The following CCDC148 variants were observed in gnomAD, a reference collection of about 807,000 sequenced individuals.
CCDC148 encodes the protein coiled-coil domain containing 148, also known as coiled-coil domain-containing protein 148.
CCDC148 carries 89 observed loss-of-function variants against 85.7 expected under a neutral mutation model. The observed-to-expected ratio is 1.04, with a 90% confidence interval of 0.87 to 1.24. The LOEUF is 1.24. Among genes scored for constraint, CCDC148 ranks in the 50% most tolerant of loss-of-function variants. The probability of loss-of-function intolerance (pLI) is 0.00; values close to 1 mark genes in which losing one functional copy is unlikely to be tolerated. For missense variants in CCDC148, 692 were observed against 671.7 expected (o/e 1.03, Z -0.33); for synonymous variants, 230 against 213.9 (o/e 1.08, Z -0.66).
intron 1 of CCDC148, among the ~76,000 whole-genome samples, chr2:158,424,147 A>C (rs968763089): frequency 2.6e-5 from 4 of 152,228 alleles, no homozygotes; most frequent in African/African-American, 9.6e-5. Flanking sequence ...ACCATTGTGG[A>C]AGTCAGTGTG....
chr2:158,383,914 C>T (rs924762827), intron 1 of CCDC148, among the ~76,000 whole-genome samples: 7 of 152,172 alleles, frequency 4.6e-5, no homozygotes, highest in Admixed American at 2.0e-4. Context: ...CACTGCATAT[C>T]GCTGTCACGT....
chr2:158,336,344 C>A (rs1362758627), intron 7 of CCDC148, among the ~76,000 whole-genome samples: 5 of 152,080 alleles, frequency 3.3e-5, no homozygotes, highest in Admixed American at 6.6e-5. Context: ...ACTCCTGAAA[C>A]CTCATTCAGT....
chr2:158,298,441 C>G (rs996066607), intron 9 of CCDC148, among the ~76,000 whole-genome samples: 1 of 152,086 alleles, frequency 6.6e-6, no homozygotes, highest in South Asian at 2.1e-4. Context: ...AATACTGCCT[C>G]TATTTTATTC....
rs184525288 is a variant in CCDC148, at chr2:158,390,244, G to A, written c.26-31674C>T. On this transcript the variant is annotated intron_variant, in intron 1 of 13. Transcript: ENST00000283233. Reference sequence around the variant, plus strand: ...ATTCCTCCCAGGCAAAAAGCTGGAAGGGGATTCTCTGAGAAACCAGTCTTC... The same window carrying A: ...ATTCCTCCCAGGCAAAAAGCTGGAAAGGGATTCTCTGAGAAACCAGTCTTC... 7.3e-4 allele frequency among the ~76,000 whole-genome samples: 111 copies of A among 152,222 alleles called. 1 individual carries two copies. The highest frequency in any genetic ancestry group is 2.5e-3 in the African/African-American group (105 of 41,536).
At chr2:158,256,720 G>C (rs76070862) in intron 9 of CCDC148, among the ~76,000 whole-genome samples, 1 of 151,752 alleles carries the variant, frequency 6.6e-6, no homozygotes, top group Non-Finnish European at 1.5e-5. Flanking sequence ...AAGCAAGCCT[G>C]TCTACTTCAC....
chr2:158,236,200 CATTTTCCCATAGCAA>C (rs58179141), intron 10 of CCDC148: 37,518 of 152,088 alleles, frequency 0.25, 5,661 homozygotes, highest in Admixed American at 0.34. Context: ...CTTATGTGAG[CATTTTCCCATAGCAA>C]AGCTTCCCAC....
intron 9 of CCDC148, among the ~76,000 whole-genome samples, chr2:158,298,508 T>C (rs1691299924): frequency 6.6e-6 from 1 of 152,152 alleles, no homozygotes. Flanking sequence ...TTTACCATGT[T>C]CCACACCTCT....
chr2:158,276,982 C>A (rs1033926519), intron 9 of CCDC148, among the ~76,000 whole-genome samples: 1 of 152,230 alleles, frequency 6.6e-6, no homozygotes, highest in African/African-American at 2.4e-5. Context: ...AAATCCACTA[C>A]AGAGATACTG....
chr2:158,172,747 A>G (rs1015317990), intron 13 of CCDC148, among the ~76,000 whole-genome samples: 1 of 152,218 alleles, frequency 6.6e-6, no homozygotes, highest in African/African-American at 2.4e-5. Context: ...CTGGATTTCT[A>G]TTTCAAACAG....
intron 1 of CCDC148, among the ~76,000 whole-genome samples, chr2:158,375,412 C>T: frequency 6.6e-6 from 1 of 152,090 alleles, no homozygotes; most frequent in East Asian, 1.9e-4. Flanking sequence ...AATGCATTGT[C>T]TTTCTCTTGA....
chr2:158,179,418 A>G (rs892932857), intron 11 of CCDC148, among the ~76,000 whole-genome samples: 1 of 152,052 alleles, frequency 6.6e-6, no homozygotes, highest in African/African-American at 2.4e-5. Flanking sequence ...TGGCCACCCA[A>G]AGTGCTGAGA....
chr2:158,323,720 A>G (rs1332132072), intron 7 of CCDC148, among the ~76,000 whole-genome samples: 1 of 152,174 alleles, frequency 6.6e-6, no homozygotes, highest in Non-Finnish European at 1.5e-5. Context: ...CTTCATCTGT[A>G]AAACAGAGCT....
intron 11 of CCDC148, among the ~76,000 whole-genome samples, chr2:158,216,004 T>A (rs143513496): frequency 0.022 from 3,378 of 152,318 alleles, 49 homozygotes; most frequent in East Asian, 0.068. Flanking sequence ...TCCAGAATAG[T>A]GAGAAAATAA....
intron 9 of CCDC148, among the ~76,000 whole-genome samples, chr2:158,289,852 A>G (rs1463760514): frequency 6.6e-6 from 1 of 152,248 alleles, no homozygotes; most frequent in Non-Finnish European, 1.5e-5. Flanking sequence ...TGTGGTACAC[A>G]ATGGCCACAC....
At chr2:158,222,630 T>A (rs1687249389) in intron 10 of CCDC148, among the ~76,000 whole-genome samples, 1 of 152,198 alleles carries the variant, frequency 6.6e-6, no homozygotes, top group African/African-American at 2.4e-5. Context: ...CATATTCTGA[T>A]ACCCCATGTG....
chr2:158,215,284 G>C (rs1388924499), intron 11 of CCDC148, among the ~76,000 whole-genome samples: 1 of 152,122 alleles, frequency 6.6e-6, no homozygotes, highest in African/African-American at 2.4e-5. Context: ...CTAAATTTTA[G>C]AAGAAATATG....
intron 1 of CCDC148, among the ~76,000 whole-genome samples, chr2:158,385,755 G>C (rs1685059234): frequency 1.3e-5 from 2 of 152,094 alleles, no homozygotes; most frequent in African/African-American, 4.8e-5. Flanking sequence ...AAGGCTTCTG[G>C]CAACTTCTTG....
chr2:158,435,430 G>C (rs901714623), intron 1 of CCDC148, among the ~76,000 whole-genome samples: 3 of 152,194 alleles, frequency 2.0e-5, no homozygotes, highest in African/African-American at 7.2e-5. Context: ...CAAATACTGA[G>C]AGATTTTGCC....
chr2:158,181,741 C>G (rs1277825554), intron 11 of CCDC148, among the ~76,000 whole-genome samples: 1 of 151,924 alleles, frequency 6.6e-6, no homozygotes, highest in African/African-American at 2.4e-5. Flanking sequence ...TCAGAATAAC[C>G]AAAAATGAGC....
Sources: gnomAD v4.1 joint callset for allele counts (sites outside exome capture counted in the v4.1 genomes callset) on GRCh38, gnomAD v4.1.1 for gene constraint, MANE v1.5 for transcripts, NCBI Gene and HGNC (gene_info 2026-07-23, HGNC 2026-07-21) for gene names.